Variants in KIAA0408 observed in about 807,000 individuals in gnomAD.
KIAA0408 encodes the protein uncharacterized protein KIAA0408.
KIAA0408 carries 51 observed loss-of-function variants against 60.9 expected under a neutral mutation model. That is an observed-to-expected ratio of 0.84 (90% CI 0.67 to 1.06). The LOEUF is 1.06. Among genes scored for constraint, KIAA0408 ranks in the 50% least tolerant of loss-of-function variants. The pLI is 0.00. For synonymous variants in KIAA0408, 304 were observed against 282.4 expected (o/e 1.08, Z -0.77); for missense variants, 787 against 833.9 (o/e 0.94, Z 0.69).
rs1289716420 is a variant in KIAA0408 at position 127,439,601 on chromosome 6, A to G, written c.*4508T>C. 5.6e-5 allele frequency: 8 copies of G among 142,550 alleles called. No individual in the cohort carries two copies. 8.8% of individuals were successfully genotyped at this position (142,550 alleles called of 1,614,324 possible). A position where few individuals can be genotyped will look rare whatever the true frequency, so the allele number is the denominator to read the frequency against. On this transcript the variant is annotated 3_prime_UTR_variant, in exon 6 of 6. Coordinates refer to ENST00000483725, the MANE Select transcript of KIAA0408 (RefSeq NM_014702.5). The stretch of plus-strand genomic sequence containing the variant: ...AAAATGAACAAAACAAAAATGAAAA[A>G]GAGCTGTTCAATCTTTTTTTTTTTT...
chr6:127,445,485 G>A (rs574215655), intron 5 of KIAA0408, among the ~76,000 whole-genome samples: 73 of 152,258 alleles, frequency 4.8e-4, no homozygotes, highest in African/African-American at 1.7e-3. Flanking sequence ...TTTTTGCAGG[G>A]TTTGAAATCC....
intron 1 of KIAA0408, among the ~76,000 whole-genome samples, chr6:127,457,799 T>C (rs1773421982): frequency 2.0e-5 from 3 of 152,200 alleles, no homozygotes; most frequent in African/African-American, 7.2e-5. Context: ...GCAGCAATTC[T>C]TTCTCTGAGG....
Position 127,443,971 on chromosome 6 carries a change from A to G in KIAA0408, c.*138T>C. 1 of 725,838 alleles carries G rather than the reference A, an allele frequency of 1.4e-6. No individual in the cohort carries two copies. The highest frequency in any genetic ancestry group is 3.3e-5 in the Admixed American group (1 of 30,710). 45.0% of individuals were successfully genotyped at this position (725,838 alleles called of 1,614,324 possible). A position where few individuals can be genotyped will look rare whatever the true frequency, so the allele number is the denominator to read the frequency against. ...CAGGAAGATAATTATTCCTTAGATT[A>G]AAAACACTGAAGACTGATGGAAAGT... On this transcript the variant is annotated 3_prime_UTR_variant, in exon 6 of 6. Coordinates refer to ENST00000483725, the MANE Select transcript of KIAA0408 (RefSeq NM_014702.5).
In KIAA0408 at chr6:127,441,324, A is replaced by T. The variant is rs1346454560; in HGVS notation, c.*2785T>A. On this transcript the variant is annotated 3_prime_UTR_variant, in exon 6 of 6. Transcript: ENST00000483725. ...AAAGTTATGGGTAATTTTTGATAAA[A>T]TGAATTATACAAAGCATCATTTATA... is the stretch of plus-strand genomic sequence containing the variant. 6.6e-6 allele frequency: 1 copy of T among 152,608 alleles called. No homozygotes were observed. Among genetic ancestry groups the T allele is most frequent in the Non-Finnish European group, 1.5e-5 (1 of 68,030 alleles). 9.5% of individuals were successfully genotyped at this position (152,608 alleles called of 1,614,324 possible). A position where few individuals can be genotyped will look rare whatever the true frequency, so the allele number is the denominator to read the frequency against.
At chr6:127,452,164 A>G (rs1345331934) in intron 2 of KIAA0408, among the ~76,000 whole-genome samples, 1 of 152,190 alleles carries the variant, frequency 6.6e-6, no homozygotes, top group Non-Finnish European at 1.5e-5. Flanking sequence ...AAGTCACTGA[A>G]GATATATGTG....
At chr6:127,454,588 A>G (rs1773358287) in intron 1 of KIAA0408, among the ~76,000 whole-genome samples, 1 of 152,088 alleles carries the variant, frequency 6.6e-6, no homozygotes, top group Non-Finnish European at 1.5e-5. Context: ...CCTGTGCCAA[A>G]TGTCATTACT....
Position 127,454,073 on chromosome 6 carries a change from A to G in KIAA0408, c.-92T>C, listed in dbSNP as rs781003742. On this transcript the variant is annotated 5_prime_UTR_variant, in exon 2 of 6. Coordinates refer to ENST00000483725, the MANE Select transcript of KIAA0408 (RefSeq NM_014702.5). ...GGAAGCTTGAAGTTGTTTTATTTGA[A>G]GCAGTCTCACTTGCCTTTAAAATAA... The G allele has an allele frequency of 7.5e-6, 11 of 1,475,836 alleles. No homozygotes were observed. Among genetic ancestry groups the G allele is most frequent in the Middle Eastern group, 1.8e-4 (1 of 5,538 alleles). 91.4% of individuals were successfully genotyped at this position (1,475,836 alleles called of 1,614,324 possible). A position where few individuals can be genotyped will look rare whatever the true frequency, so the allele number is the denominator to read the frequency against.
Position 127,451,047 on chromosome 6 carries a change from A to G in KIAA0408, c.136-695T>C, listed in dbSNP as rs535782190. 1.6e-5 allele frequency: 4 copies of G among 243,190 alleles called. No homozygotes were observed. The South Asian group carries it at 1.9e-4, about 12-fold the overall frequency. The allele number at this position is 243,190 out of a possible 1,614,324, so 15.1% of individuals were successfully genotyped here. A position where few individuals can be genotyped will look rare whatever the true frequency, so the allele number is the denominator to read the frequency against. ...TCTGTATTAAGGTAGAATCCAGATT[A>G]CTTCTTTATGAGATCTTAGTTGAAC... On this transcript the variant is annotated intron_variant, in intron 2 of 5. Coordinates refer to ENST00000483725, the MANE Select transcript of KIAA0408 (RefSeq NM_014702.5).
In KIAA0408 at chr6:127,438,726, G is replaced by A. The variant is rs1773059104; in HGVS notation, c.*5383C>T. 1 of 152,132 alleles carries A rather than the reference G, an allele frequency of 6.6e-6. No homozygotes were observed. Among genetic ancestry groups the A allele is most frequent in the Non-Finnish European group, 1.5e-5 (1 of 68,038 alleles). 9.4% of individuals were successfully genotyped at this position (152,132 alleles called of 1,614,324 possible). On this transcript the variant is annotated 3_prime_UTR_variant, in exon 6 of 6. Transcript: ENST00000483725. ...ATCTGTATATGTAAACATAGAAAAA[G>A]TATAGCAAAAATATTGTATTATAAT...
rs549564161 is a variant in KIAA0408, at chr6:127,438,683, C to T, written c.*5426G>A. 1 of 152,158 alleles carries T rather than the reference C, an allele frequency of 6.6e-6. No homozygotes were observed. The highest frequency in any genetic ancestry group is 1.5e-5 in the Non-Finnish European group (1 of 68,000). The allele number at this position is 152,158 out of a possible 1,614,324, so 9.4% of individuals were successfully genotyped here. On this transcript the variant is annotated 3_prime_UTR_variant, in exon 6 of 6. Coordinates refer to ENST00000483725, the MANE Select transcript of KIAA0408 (RefSeq NM_014702.5). ...ATGTTACTGTACTGAATACTAAAGG[C>T]AATTGTAACACAATGATATCTGTAT...
chr6:127,444,888 C>A (rs1222753931), intron 5 of KIAA0408, among the ~76,000 whole-genome samples: 37 of 151,902 alleles, frequency 2.4e-4, no homozygotes, highest in Non-Finnish European at 8.8e-5. Context: ...TGAGAGAAAA[C>A]CTTTTCCTTC....
In KIAA0408 at chr6:127,438,968, A is replaced by G. The variant is rs1256345766; in HGVS notation, c.*5141T>C. The stretch of plus-strand genomic sequence containing the variant: ...TTCATGAATGGGATTTAAGGCCCTT[A>G]TAAAAGAAGCATCACATAGCATTCA... On this transcript the variant is annotated 3_prime_UTR_variant, in exon 6 of 6. Coordinates refer to ENST00000483725, the MANE Select transcript of KIAA0408 (RefSeq NM_014702.5). 1 of 152,228 alleles carries G rather than the reference A, an allele frequency of 6.6e-6. No individual in the cohort carries two copies. The highest frequency in any genetic ancestry group is 1.5e-5 in the Non-Finnish European group (1 of 68,056). 9.4% of individuals were successfully genotyped at this position (152,228 alleles called of 1,614,324 possible). A position where few individuals can be genotyped will look rare whatever the true frequency, so the allele number is the denominator to read the frequency against.
rs745704294 is a variant in KIAA0408, at chr6:127,446,457, C to G, written c.1862G>C (p.Trp621Ser). ...EQQFQQKTAV[W>S]GGQEVKQGID... Reference sequence around the variant, plus strand: ...TCCTTGCTTCACTTCCTGTCCCCCCCACACAGCTGTCTTTTGCTGAAACTG... The same window carrying G: ...TCCTTGCTTCACTTCCTGTCCCCCCGACACAGCTGTCTTTTGCTGAAACTG... The change falls in exon 5 of 6, where the codon TGG (tryptophan) becomes TCG (serine). Residue 621 changes from tryptophan (W) to serine (S), a missense_variant. By Grantham distance (177) the Trp-to-Ser change is radical. Around this residue, in one of 3 missense-constraint regions of KIAA0408, gnomAD observed 133 missense variants for 119.2 expected, o/e 1.12. Coordinates refer to ENST00000483725, the MANE Select transcript of KIAA0408 (RefSeq NM_014702.5). 2.5e-6 allele frequency: 4 copies of G among 1,613,864 alleles called. No individual in the cohort carries two copies. Among genetic ancestry groups the G allele is most frequent in the Admixed American group, 1.7e-5 (1 of 60,022 alleles).
intron 1 of KIAA0408, among the ~76,000 whole-genome samples, chr6:127,456,202 C>T (rs1773389512): frequency 6.6e-6 from 1 of 152,136 alleles, no homozygotes; most frequent in Non-Finnish European, 1.5e-5. Flanking sequence ...AGGATGCAGA[C>T]TAATTTCAAG....
rs1255074351 is a variant in KIAA0408 at position 127,449,982 on chromosome 6, T to G, written c.498+8A>C. ...GAAACAGTTCTAGGCCAATCACATC[T>G]TACTTACTGTACTGAGGGCGCCAGA... On this transcript the variant is annotated splice_region_variant and intron_variant, in intron 3 of 5. Coordinates refer to ENST00000483725, the MANE Select transcript of KIAA0408 (RefSeq NM_014702.5). The G allele has an allele frequency of 6.2e-7, 1 of 1,613,796 alleles. No individual in the cohort carries two copies. Among genetic ancestry groups the G allele is most frequent in the Non-Finnish European group, 8.5e-7 (1 of 1,179,870 alleles).
chr6:127,452,482 C>A (rs1773318156), intron 2 of KIAA0408, among the ~76,000 whole-genome samples: 1 of 152,084 alleles, frequency 6.6e-6, no homozygotes, highest in African/African-American at 2.4e-5. Flanking sequence ...ATATTTCATG[C>A]CTGCTAATTG....
Position 127,450,590 on chromosome 6 carries a change from GCAAT to G in KIAA0408, c.136-242_136-239del, listed in dbSNP as rs143736210. 569 of 414,114 alleles carry G rather than the reference GCAAT, an allele frequency of 1.4e-3. 9 individuals carry two copies. The highest frequency in any genetic ancestry group is 0.011 in the African/African-American group (539 of 48,946). The allele number at this position is 414,114 out of a possible 1,614,324, so 25.7% of individuals were successfully genotyped here. The stretch of plus-strand genomic sequence containing the variant: ...ACATGGATGCTAATTCTTTTGACTA[GCAAT>G]CAATCATTCAAAAATAAAATAAATC... On this transcript the variant is annotated intron_variant, in intron 2 of 5. Coordinates refer to ENST00000483725, the MANE Select transcript of KIAA0408 (RefSeq NM_014702.5).
intron 1 of KIAA0408, 87 bp downstream of exon 1, chr6:127,459,088 C>G (rs1253277914): frequency 2.0e-5 from 3 of 152,190 alleles, no homozygotes; most frequent in Non-Finnish European, 2.9e-5. Flanking sequence ...TAAACAGTAT[C>G]CATAGTTTAA....
intron 4 of KIAA0408, among the ~76,000 whole-genome samples, chr6:127,449,264 A>G (rs1474735507): frequency 6.6e-6 from 1 of 152,174 alleles, no homozygotes; most frequent in East Asian, 1.9e-4. Flanking sequence ...GGTCTACCTT[A>G]ATTAGACACG....
Sources: allele counts gnomAD v4.1 joint callset (sites outside exome capture counted in the v4.1 genomes callset), GRCh38; gene constraint gnomAD v4.1.1; regional missense constraint gnomAD v4.1.1; transcripts MANE v1.5; gene names NCBI Gene and HGNC (gene_info 2026-07-23, HGNC 2026-07-21).